RGS6: variants seen among roughly 807,000 people sequenced by gnomAD.
The protein encoded by RGS6 is regulator of G protein signaling 6.
In RGS6, 30 loss-of-function variants were observed where a neutral mutation model predicts 78.5. The observed-to-expected ratio is 0.38, with a 90% CI of 0.29 to 0.52. The LOEUF (loss-of-function observed/expected upper bound fraction) is 0.52. Among genes scored for constraint, RGS6 ranks in the 20% least tolerant of loss-of-function variants. The probability of loss-of-function intolerance (pLI) is 0.85; values close to 1 mark genes in which losing one functional copy is unlikely to be tolerated. For missense variants in RGS6, 495 were observed against 609.7 expected, an observed-to-expected ratio of 0.81 and a Z score of 1.98; for synonymous variants, 206 against 206.0, an observed-to-expected ratio of 1.00 and a Z score of 0.00.
At chr14:71,909,095 C>T in the RGS6 span, among the ~76,000 whole-genome samples, 1 of 152,128 alleles carries the variant, frequency 6.6e-6, no homozygotes, top group Non-Finnish European at 1.5e-5. Flanking sequence ...ATCTATAACA[C>T]CAATAGCCTC....
chr14:71,924,057 T>A, the RGS6 span, among the ~76,000 whole-genome samples: 2 of 152,168 alleles, frequency 1.3e-5, no homozygotes, highest in African/African-American at 4.8e-5. Context: ...CATTCATTTA[T>A]GTTTTGAGAC....
the RGS6 span, among the ~76,000 whole-genome samples, chr14:72,587,169 A>T: frequency 1.3e-5 from 2 of 152,172 alleles, no homozygotes; most frequent in Non-Finnish European, 2.9e-5. Context: ...ACGATGGCTC[A>T]TCTAACTCAT....
chr14:72,276,815 C>T (rs1000948430), intron 2 of RGS6, among the ~76,000 whole-genome samples: 41 of 151,892 alleles, frequency 2.7e-4, no homozygotes, highest in Admixed American at 8.5e-4. Flanking sequence ...AATAAATTAC[C>T]CAGTCTCAGA....
At chr14:72,417,015 G>A (rs561273159) in intron 3 of RGS6, among the ~76,000 whole-genome samples, 1 of 152,280 alleles carries the variant, frequency 6.6e-6, no homozygotes, top group East Asian at 1.9e-4. Context: ...CTGCTACTAT[G>A]ATTACCGTCC....
intron 2 of RGS6, among the ~76,000 whole-genome samples, chr14:72,014,953 T>G (rs2086642240): frequency 1.3e-5 from 2 of 152,244 alleles, no homozygotes; most frequent in Admixed American, 1.3e-4. Flanking sequence ...TTAAAGGAAT[T>G]ATCTTGTGTG....
At chr14:72,545,712 G>C (rs917468470) in intron 17 of RGS6, among the ~76,000 whole-genome samples, 1 of 152,142 alleles carries the variant, frequency 6.6e-6, no homozygotes, top group African/African-American at 2.4e-5. Flanking sequence ...ACAAAGCCTG[G>C]ACATGCACTG....
At chr14:72,414,993 G>A (rs576477043) in intron 3 of RGS6, among the ~76,000 whole-genome samples, 11 of 152,304 alleles carry the variant, frequency 7.2e-5, no homozygotes, top group African/African-American at 2.2e-4. Context: ...TAGGCTACTC[G>A]GGGGTCAGGG....
chr14:72,443,658 C>T (rs994070267), intron 3 of RGS6, among the ~76,000 whole-genome samples: 2 of 152,164 alleles, frequency 1.3e-5, no homozygotes, highest in African/African-American at 2.4e-5. Context: ...ATGAAGTGAC[C>T]GTTAGACACC....
At chr14:72,628,936 T>G in the RGS6 span, among the ~76,000 whole-genome samples, 1 of 152,228 alleles carries the variant, frequency 6.6e-6, no homozygotes, top group African/African-American at 2.4e-5. Context: ...TAAGTTTATA[T>G]GCACCTACAG....
intron 2 of RGS6, among the ~76,000 whole-genome samples, chr14:71,990,062 G>A (rs1184440181): frequency 6.6e-6 from 1 of 152,194 alleles, no homozygotes; most frequent in Non-Finnish European, 1.5e-5. Flanking sequence ...GAAGGTCAAA[G>A]GAGAAGTGAG....
At chr14:72,133,124 ATCAT>A (rs1351113458) in intron 2 of RGS6, among the ~76,000 whole-genome samples, 1 of 152,172 alleles carries the variant, frequency 6.6e-6, no homozygotes, top group Non-Finnish European at 1.5e-5. Context: ...GGGTAGGGAC[ATCAT>A]TCATTTATTT....
At chr14:72,038,998 A>G (rs1223856770) in intron 2 of RGS6, among the ~76,000 whole-genome samples, 2 of 152,238 alleles carry the variant, frequency 1.3e-5, no homozygotes, top group East Asian at 1.9e-4. Flanking sequence ...ACAGGAGGAA[A>G]GCATTCAGTC....
intron 2 of RGS6, among the ~76,000 whole-genome samples, chr14:72,113,840 A>C (rs978990665): frequency 1.3e-5 from 2 of 152,202 alleles, no homozygotes; most frequent in Non-Finnish European, 2.9e-5. Context: ...GGGGTAGGGA[A>C]GAACATTGCT....
chr14:71,978,171 A>G (rs1446866929), intron 2 of RGS6, among the ~76,000 whole-genome samples: 26 of 137,606 alleles, frequency 1.9e-4, no homozygotes, highest in African/African-American at 6.1e-4. Flanking sequence ...GGCTGAGACA[A>G]TGGGGTTTTC....
At chr14:72,371,132 C>T (rs550082514) in intron 3 of RGS6, among the ~76,000 whole-genome samples, 4 of 152,304 alleles carry the variant, frequency 2.6e-5, no homozygotes, top group African/African-American at 9.6e-5. Flanking sequence ...GTTGCCTTAA[C>T]AAATGTAACT....
In RGS6 at chr14:72,036,220, A is replaced by ATTC. The variant is rs1198056741; in HGVS notation, c.84+71347_84+71348insCTT. Reference sequence around the variant, plus strand: ...TAAACATATTATTATTATTATTATTATTATTATTATGGCTGAGCAGAATTC... The same window carrying ATTC: ...TAAACATATTATTATTATTATTATTATTCTTATTATTATGGCTGAGCAGAATTC... On this transcript the variant is annotated intron_variant, in intron 2 of 17. Coordinates refer to ENST00000553525, the MANE Select transcript of RGS6 (RefSeq NM_001204424.2). 8.0e-5 allele frequency among the ~76,000 whole-genome samples: 12 copies of ATTC among 150,656 alleles called. No individual in the cohort carries two copies. In the South Asian group the frequency reaches 1.0e-3, roughly 13 times the overall value.
At chr14:72,379,045 T>C (rs2152875139) in intron 3 of RGS6, among the ~76,000 whole-genome samples, 1 of 152,226 alleles carries the variant, frequency 6.6e-6, no homozygotes, top group East Asian at 1.9e-4. Context: ...AATCAATAAA[T>C]ATAATACATC....
At chr14:72,156,726 G>C (rs1284354650) in intron 2 of RGS6, among the ~76,000 whole-genome samples, 11 of 152,162 alleles carry the variant, frequency 7.2e-5, no homozygotes, top group Non-Finnish European at 1.3e-4. Flanking sequence ...TAAGGAAGTT[G>C]AACAAAAAGC....
chr14:72,041,249 C>A (rs2092376341), intron 2 of RGS6, among the ~76,000 whole-genome samples: 2 of 152,084 alleles, frequency 1.3e-5, no homozygotes. Flanking sequence ...CTTTACCAGT[C>A]AGCCTGGCTA....
Sources: gnomAD v4.1 joint callset for allele counts (sites outside exome capture counted in the v4.1 genomes callset) on GRCh38, gnomAD v4.1.1 for gene constraint, MANE v1.5 for transcripts, NCBI Gene and HGNC (gene_info 2026-07-23, HGNC 2026-07-21) for gene names.